The following CACNA2D2 variants were observed in gnomAD, a reference collection of about 807,000 sequenced individuals.
CACNA2D2 encodes voltage-dependent calcium channel subunit alpha-2/delta-2.
Under a neutral mutation model 166.4 loss-of-function variants are expected in CACNA2D2, and 48 were observed. The observed-to-expected ratio is 0.29, with a 90% CI of 0.23 to 0.37. The LOEUF (loss-of-function observed/expected upper bound fraction) is 0.37, where lower values mean the gene tolerates loss of function less well. Ranked by LOEUF, CACNA2D2 falls within the 10% of genes least tolerant of loss-of-function variation. The pLI is 1.00. For missense variants in CACNA2D2, 1,122 were observed against 1,433.0 expected (o/e 0.78, Z 3.50); for synonymous variants, 561 against 573.7 (o/e 0.98, Z 0.32).
At chr3:50,495,386 G>C (rs915226789) in intron 1 of CACNA2D2, among the ~76,000 whole-genome samples, 2 of 152,142 alleles carry the variant, frequency 1.3e-5, no homozygotes. Flanking sequence ...ACACACAGGC[G>C]CGTCCTGAAA....
At chr3:50,417,426 G>A (rs1707316881) in intron 3 of CACNA2D2, among the ~76,000 whole-genome samples, 1 of 152,232 alleles carries the variant, frequency 6.6e-6, no homozygotes, top group African/African-American at 2.4e-5. Context: ...GGCACTTGGG[G>A]GGTCTCTTTT....
intron 3 of CACNA2D2, among the ~76,000 whole-genome samples, chr3:50,403,397 T>C (rs1706543838): frequency 6.6e-6 from 1 of 152,150 alleles, no homozygotes; most frequent in African/African-American, 2.4e-5. Flanking sequence ...TCTTCTTCAG[T>C]TTATGCCAAC....
intron 1 of CACNA2D2, among the ~76,000 whole-genome samples, chr3:50,483,433 T>C (rs1205104609): frequency 1.3e-5 from 2 of 152,234 alleles, no homozygotes; most frequent in African/African-American, 4.8e-5. Context: ...TTCATGAGGT[T>C]ATTAATTACG....
intron 2 of CACNA2D2, among the ~76,000 whole-genome samples, chr3:50,442,595 A>C (rs1242946789): frequency 6.6e-6 from 1 of 152,186 alleles, no homozygotes; most frequent in Non-Finnish European, 1.5e-5. Context: ...CACTCAGACA[A>C]GGTATTCACA....
chr3:50,373,362 T>G (rs930204155), intron 22 of CACNA2D2, among the ~76,000 whole-genome samples: 1 of 149,648 alleles, frequency 6.7e-6, no homozygotes, highest in Non-Finnish European at 1.5e-5. Context: ...CCAGCCTCCC[T>G]CCCAGTGACC....
intron 2 of CACNA2D2, among the ~76,000 whole-genome samples, chr3:50,471,028 T>A (rs1199075501): frequency 1.3e-5 from 2 of 152,006 alleles, no homozygotes; most frequent in Non-Finnish European, 2.9e-5. Flanking sequence ...GCGACAGCAA[T>A]CCCTATCCAG....
chr3:50,436,605 T>C (rs1708361902), intron 2 of CACNA2D2, among the ~76,000 whole-genome samples: 1 of 152,202 alleles, frequency 6.6e-6, no homozygotes, highest in East Asian at 1.9e-4. Context: ...GACTGATCTA[T>C]TAAATGAGAG....
At chr3:50,394,236 C>G (rs1706032872) in intron 3 of CACNA2D2, 68 bp from the exon 4 acceptor site, 1 of 1,307,700 alleles carries the variant, frequency 7.6e-7, no homozygotes, top group African/African-American at 1.4e-5. Flanking sequence ...ACCCCAAAGC[C>G]TCTCCATCCC....
chr3:50,457,444 T>C (rs1035021014), intron 2 of CACNA2D2, among the ~76,000 whole-genome samples: 1 of 152,028 alleles, frequency 6.6e-6, no homozygotes, highest in African/African-American at 2.4e-5. Flanking sequence ...GGCTCTGAGT[T>C]TTTCAAAAAC....
chr3:50,496,968 G>C (rs551157883), intron 1 of CACNA2D2, among the ~76,000 whole-genome samples: 3 of 152,224 alleles, frequency 2.0e-5, no homozygotes, highest in Non-Finnish European at 2.9e-5. Context: ...TTTGTTGAAT[G>C]AGGATCATTT....
chr3:50,459,248 A>G lies in CACNA2D2; in HGVS notation c.288+16870T>C, dbSNP rs542667445. On this transcript the variant is annotated intron_variant, in intron 2 of 37. Transcript: ENST00000424201. Reference sequence around the variant, plus strand: ...TGGGTGGCAGGGAAAGGTCAGGGTCACCCTGAGGAGATTGTGGGGCCTAGT... The same window carrying G: ...TGGGTGGCAGGGAAAGGTCAGGGTCGCCCTGAGGAGATTGTGGGGCCTAGT... Among the ~76,000 whole-genome samples, 31 of 152,236 alleles carry G rather than the reference A, an allele frequency of 2.0e-4. No homozygotes were observed. The South Asian group carries it at 6.4e-3, about 32-fold the overall frequency.
chr3:50,387,685 C>T (rs1407219496), intron 4 of CACNA2D2, 73 bp from the exon 5 acceptor site: 1 of 1,157,798 alleles, frequency 8.6e-7, no homozygotes, highest in South Asian at 1.4e-5. Flanking sequence ...AGCCCCAAGG[C>T]CTGCATGGCA....
intron 2 of CACNA2D2, among the ~76,000 whole-genome samples, chr3:50,472,838 C>A (rs1324513516): frequency 1.3e-5 from 2 of 152,184 alleles, no homozygotes; most frequent in Non-Finnish European, 2.9e-5. Flanking sequence ...TGTAAATGAG[C>A]TCAGAGCCCA....
chr3:50,447,145 G>T (rs536253344), intron 2 of CACNA2D2, among the ~76,000 whole-genome samples: 3 of 152,210 alleles, frequency 2.0e-5, no homozygotes, highest in Admixed American at 2.0e-4. Context: ...GAGAGCTTCC[G>T]GGGGAGGGGA....
At chr3:50,411,807 C>T (rs1024744633) in intron 3 of CACNA2D2, among the ~76,000 whole-genome samples, 6 of 152,212 alleles carry the variant, frequency 3.9e-5, no homozygotes, top group Non-Finnish European at 2.9e-5. Flanking sequence ...GCACTGCCAG[C>T]AGCCTCTGCC....
intron 2 of CACNA2D2, among the ~76,000 whole-genome samples, chr3:50,467,135 G>A (rs1197417437): frequency 6.6e-6 from 1 of 152,130 alleles, no homozygotes; most frequent in Non-Finnish European, 1.5e-5. Flanking sequence ...CCACACACCT[G>A]GGCCAAGCCT....
Position 50,380,774 on chromosome 3 carries a change from G to C in CACNA2D2, c.816C>G (p.Asp272Glu). 1 of 1,550,802 alleles carries C rather than the reference G, an allele frequency of 6.4e-7. No individual in the cohort carries two copies. Among genetic ancestry groups the C allele is most frequent in the Non-Finnish European group, 8.7e-7 (1 of 1,148,942 alleles). ...AGGGTCTCCTTCGGACATCGTACAG[G>C]TCGATCTTCTTGGGGGCTCGCCACG... ...ATPWRAPKKI[D>E]LYDVRRRPWY... Residue 272 changes from aspartate to glutamate, a missense_variant, in exon 8 of 38, where the codon GAC (aspartate) becomes GAG (glutamate). This residue lies in a region of CACNA2D2 where 840 missense variants were observed against 1,166.8 expected (regional missense o/e 0.72). Coordinates refer to ENST00000424201, the MANE Select transcript of CACNA2D2 (RefSeq NM_006030.4). This position sits in a 1 kb window ranked among gnomAD's most constrained non-coding sequence, Gnocchi z 4.9.
intron 2 of CACNA2D2, among the ~76,000 whole-genome samples, chr3:50,475,861 A>G (rs1483360852): frequency 1.6e-4 from 24 of 151,998 alleles, no homozygotes. Context: ...AAGCCCAAAA[A>G]GCTCCAAATC....
In CACNA2D2 at chr3:50,438,461, C is replaced by T. The variant is rs943123850; in HGVS notation, c.289-4032G>A. Among the ~76,000 whole-genome samples the T allele has an allele frequency of 4.6e-5, 7 of 152,178 alleles. No individual in the cohort carries two copies. The East Asian group carries it at 5.8e-4, about 13-fold the overall frequency. ...GGGGCTGATGCCTCCTTAGAAGCCC[C>T]GAACCCTCTGCCCAGCCTCCTGCTT... On this transcript the variant is annotated intron_variant, in intron 2 of 37. Coordinates refer to ENST00000424201, the MANE Select transcript of CACNA2D2 (RefSeq NM_006030.4).
Sources: gnomAD v4.1 joint callset for allele counts (sites outside exome capture counted in the v4.1 genomes callset) on GRCh38, gnomAD v4.1.1 for gene constraint, gnomAD v4.1.1 regional missense constraint, Gnocchi (gnomAD v3.1) non-coding constraint, MANE v1.5 for transcripts, NCBI Gene and HGNC (gene_info 2026-07-23, HGNC 2026-07-21) for gene names.